Variants in NCF2 observed in about 807,000 individuals in gnomAD.
NCF2 encodes the protein neutrophil cytosol factor 2.
Under a neutral mutation model 70.9 loss-of-function variants are expected in NCF2, and 45 were observed. The ratio of observed to expected loss-of-function variants is 0.63; its 90% confidence interval spans 0.50 to 0.81. The LOEUF (loss-of-function observed/expected upper bound fraction) is 0.81, where lower values mean the gene tolerates loss of function less well. Among genes scored for constraint, NCF2 ranks in the 40% least tolerant of loss-of-function variants. NCF2 has a pLI of 0.00. For missense variants in NCF2, 522 were observed against 631.6 expected (o/e 0.83, Z 1.86); for synonymous variants, 203 against 233.6 (o/e 0.87, Z 1.19).
intron 2 of NCF2, 61 bp downstream of exon 2, chr1:183,586,834 A>T (rs1673374442): frequency 1.3e-6 from 2 of 1,502,436 alleles, no homozygotes; most frequent in Middle Eastern, 1.7e-4. Flanking sequence ...AGCCCGCAAC[A>T]CTGAGACCCC....
intron 14 of NCF2, among the ~76,000 whole-genome samples, chr1:183,557,416 G>T (rs1370659094): frequency 6.6e-6 from 1 of 152,180 alleles, no homozygotes; most frequent in Non-Finnish European, 1.5e-5. Context: ...GTAGGTCGTG[G>T]ACTGGAAGCA....
At chr1:183,590,977 C>T, upstream of NCF2, 1 of 158,506 alleles carries the variant, frequency 6.3e-6, no homozygotes, top group Non-Finnish European at 1.4e-5. Context: ...GCCTTTTAAC[C>T]AATTGAATGT....
At position 183,570,715 on chromosome 1, in the gene NCF2, G is replaced by A. The variant is rs73054029; in HGVS notation, c.669+65C>T. Reference sequence around the variant, plus strand: ...GGCAACTCAGCACACATAGTCTCTCGAATTGAATGCTTCACAGAAAGCTCT... The same window carrying A: ...GGCAACTCAGCACACATAGTCTCTCAAATTGAATGCTTCACAGAAAGCTCT... On this transcript the variant is annotated intron_variant, in intron 6 of 14. Transcript: ENST00000367535. 379 of 1,539,042 alleles carry A rather than the reference G, an allele frequency of 2.5e-4. 2 individuals carry two copies. The African/African-American group carries it at 4.6e-3, about 19-fold the overall frequency.
intron 14 of NCF2, among the ~76,000 whole-genome samples, chr1:183,556,762 C>T (rs1382455846): frequency 6.6e-6 from 1 of 152,170 alleles, no homozygotes; most frequent in Non-Finnish European, 1.5e-5. Context: ...CTCCTGGGCT[C>T]AAGTGATCCA....
At chr1:183,588,306 C>A (rs952620750) in intron 1 of NCF2, among the ~76,000 whole-genome samples, 2 of 151,992 alleles carry the variant, frequency 1.3e-5, no homozygotes, top group African/African-American at 4.8e-5. Flanking sequence ...GGAGAAGCTT[C>A]TTTGAAAAAT....
rs756008519 is a variant in NCF2, at chr1:183,560,159, C to T, written c.1405G>A (p.Glu469Lys). 11 of 1,614,154 alleles carry T rather than the reference C, an allele frequency of 6.8e-6. No homozygotes were observed. In the South Asian group the frequency reaches 9.9e-5, roughly 15 times the overall value. ...GSQVEALFSY[E>K]ATQPEDLEFQ... is the part of the protein sequence containing the mutation. ...TCCAGGTCCTCTGGTTGGGTAGCCTCATAACTGAAGAGTGCCTCCACTTGG... is the reference window on the plus strand; with the variant it reads ...TCCAGGTCCTCTGGTTGGGTAGCCTTATAACTGAAGAGTGCCTCCACTTGG... Residue 469 changes from glutamate to lysine, a missense_variant, in exon 14 of 15, where the codon GAG (glutamate) becomes AAG (lysine). Coordinates refer to ENST00000367535, the MANE Select transcript of NCF2 (RefSeq NM_000433.4).
the NCF2 span, among the ~76,000 whole-genome samples, chr1:183,601,509 A>C: frequency 6.6e-6 from 1 of 152,182 alleles, no homozygotes; most frequent in Non-Finnish European, 1.5e-5. Context: ...TATAACTAGC[A>C]CACCAAATCC....
upstream of NCF2, among the ~76,000 whole-genome samples, chr1:183,591,114 C>T (rs1273579694): frequency 6.6e-6 from 1 of 152,234 alleles, no homozygotes; most frequent in Non-Finnish European, 1.5e-5. Context: ...ATCCCCTCTC[C>T]ACTGAAAGCT....
At chr1:183,595,166 G>C (rs3903838), upstream of NCF2, among the ~76,000 whole-genome samples, 70,694 of 152,050 alleles carry the variant, frequency 0.46, 17,071 homozygotes, top group African/African-American at 0.58. Flanking sequence ...CTTTTTTGCC[G>C]TCAACTCTAA....
rs576360037 is a variant in NCF2, at chr1:183,580,869, C to T, written c.258-3162G>A. On this transcript the variant is annotated intron_variant, in intron 2 of 14. Coordinates refer to ENST00000367535, the MANE Select transcript of NCF2 (RefSeq NM_000433.4). ...TGGTGCGTGCCTATAGTTCCAGCTA[C>T]TCAGGAGGGTGAGGCAGGAGAATCA... Among the ~76,000 whole-genome samples the T allele has an allele frequency of 5.3e-5, 8 of 151,734 alleles. No homozygotes were observed. The East Asian group carries it at 1.4e-3, about 26-fold the overall frequency.
upstream of NCF2, chr1:183,590,668 T>C: frequency 2.7e-6 from 1 of 371,816 alleles, no homozygotes; most frequent in Non-Finnish European, 5.2e-6. Context: ...GCTTCTGCTC[T>C]GTCACCCAGC....
intron 10 of NCF2, 25 bp downstream of exon 10, chr1:183,565,678 TA>T: frequency 1.9e-6 from 3 of 1,608,848 alleles, no homozygotes; most frequent in Non-Finnish European, 2.5e-6. Flanking sequence ...CACCCAGACC[TA>T]GGCTGTGGCT....
rs150829258 is a variant in NCF2, at chr1:183,586,032, C to G, written c.257+863G>C. ...TATGCTATATGAACTGTTTTGAAAT[C>G]TGTTTTTAAATTTAACATCTGGCTG... On this transcript the variant is annotated intron_variant, in intron 2 of 14. Coordinates refer to ENST00000367535, the MANE Select transcript of NCF2 (RefSeq NM_000433.4). Among the ~76,000 whole-genome samples the G allele has an allele frequency of 3.4e-3, 513 of 152,300 alleles. 4 individuals carry two copies. The highest frequency in any genetic ancestry group is 0.012 in the African/African-American group (492 of 41,564).
chr1:183,579,738 CAAAAA>C (rs397982209), intron 2 of NCF2, among the ~76,000 whole-genome samples: 2 of 38,868 alleles, frequency 5.1e-5, no homozygotes, highest in South Asian at 8.9e-4. Context: ...GACTCTGTCT[CAAAAA>C]AAAAAAAAAA....
intron 1 of NCF2, 101 bp downstream of exon 1, chr1:183,590,055 T>C: frequency 1.3e-6 from 2 of 1,571,804 alleles, no homozygotes; most frequent in Non-Finnish European, 1.7e-6. Context: ...ACTTTTGTTC[T>C]TTTCAATCTC....
At chr1:183,584,353 G>C (rs1005529836) in intron 2 of NCF2, among the ~76,000 whole-genome samples, 16 of 152,246 alleles carry the variant, frequency 1.1e-4, no homozygotes, top group Non-Finnish European at 1.9e-4. Context: ...AATTGCGCAA[G>C]AGGGCCTGCT....
At chr1:183,560,516 G>A (rs1046898622) in intron 13 of NCF2, among the ~76,000 whole-genome samples, 1 of 152,218 alleles carries the variant, frequency 6.6e-6, no homozygotes, top group Admixed American at 6.5e-5. Context: ...ATGAATGGTG[G>A]TGGGTGGTGG....
In NCF2 at chr1:183,556,185, A is replaced by G. The variant is rs937597401; in HGVS notation, c.1514T>C (p.Ile505Thr). 4.3e-6 allele frequency: 7 copies of G among 1,614,054 alleles called. No homozygotes were observed. Among genetic ancestry groups the G allele is most frequent in the Non-Finnish European group, 5.1e-6 (6 of 1,180,030 alleles). Residue 505 changes from isoleucine (I) to threonine (T), a missense_variant, in exon 15 of 15, where the codon ATT becomes ACT. Physicochemically the swap from Ile to Thr is moderately conservative, Grantham distance 89. Transcript: ENST00000367535. ...GTCTTCAACAAAAACTTTGGGGAAA[A>G]TGCCCACCTTCCCTTTGCACTCCCC... ...LEGECKGKVG[I>T]FPKVFVEDCA... is the part of the protein sequence containing the mutation.
At chr1:183,575,217 C>T (rs1375068426) in intron 3 of NCF2, among the ~76,000 whole-genome samples, 1 of 152,224 alleles carries the variant, frequency 6.6e-6, no homozygotes, top group Non-Finnish European at 1.5e-5. Flanking sequence ...TGCCTGTAAT[C>T]CCAGCACTTT....
Sources: allele counts gnomAD v4.1 joint callset (sites outside exome capture counted in the v4.1 genomes callset), GRCh38; gene constraint gnomAD v4.1.1; transcripts MANE v1.5; gene names NCBI Gene and HGNC (gene_info 2026-07-23, HGNC 2026-07-21).